The following COLEC11 variants were observed in gnomAD, a reference collection of about 807,000 sequenced individuals.
COLEC11 encodes the protein collectin-11.
A neutral mutation model predicts 27.3 loss-of-function variants in COLEC11; 20 were observed. The ratio of observed to expected loss-of-function variants is 0.73; its 90% CI spans 0.51 to 1.06. The LOEUF (loss-of-function observed/expected upper bound fraction) is 1.06. Ranked by LOEUF, COLEC11 falls within the 50% of genes least tolerant of loss-of-function variation. The pLI is 0.00. For synonymous variants in COLEC11, 163 were observed against 154.7 expected (o/e 1.05, Z -0.40); for missense variants, 310 against 383.0 (o/e 0.81, Z 1.59).
intron 1 of COLEC11, chr2:3,604,057 G>A (rs908796282): frequency 1.1e-4 from 64 of 583,946 alleles, no homozygotes; most frequent in South Asian, 7.2e-4. Flanking sequence ...TGGGCGAGCC[G>A]TAGGCCTTCA....
chr2:3,611,574 T>C (rs1239481298), intron 2 of COLEC11, among the ~76,000 whole-genome samples: 1 of 152,240 alleles, frequency 6.6e-6, no homozygotes, highest in Non-Finnish European at 1.5e-5. Flanking sequence ...CTTTTCTTCT[T>C]ACAAGATAAG....
intron 3 of COLEC11, among the ~76,000 whole-genome samples, chr2:3,613,887 CAG>C (rs909925468): frequency 6.6e-6 from 1 of 152,080 alleles, no homozygotes; most frequent in African/African-American, 2.4e-5. Flanking sequence ...CAGTGCATGG[CAG>C]GGGTTAAATA....
At chr2:3,597,349 A>C (rs115152194) in intron 1 of COLEC11, among the ~76,000 whole-genome samples, 2,724 of 150,384 alleles carry the variant, frequency 0.018, 76 homozygotes, top group African/African-American at 0.061. Context: ...GAATGGAGTG[A>C]AGGCATGAGA....
At chr2:3,636,222 C>T (rs1032300477) in intron 3 of COLEC11, among the ~76,000 whole-genome samples, 3 of 152,062 alleles carry the variant, frequency 2.0e-5, no homozygotes, top group Non-Finnish European at 2.9e-5. Flanking sequence ...TTTGGGAGGC[C>T]GAGGTGGATG....
intron 3 of COLEC11, 46 bp downstream of exon 3, chr2:3,613,428 C>T (rs1323775306): frequency 6.5e-7 from 1 of 1,545,834 alleles, no homozygotes; most frequent in East Asian, 2.4e-5. Flanking sequence ...AGGATGGAGG[C>T]ACCGCTCCTG....
In COLEC11 at chr2:3,627,289, A is replaced by G. The variant is rs1309476339; in HGVS notation, c.203-10244A>G. Among the ~76,000 whole-genome samples, 3 of 132,640 alleles carry G rather than the reference A, an allele frequency of 2.3e-5. No homozygotes were observed. In the South Asian group the frequency reaches 8.4e-4, roughly 37 times the overall value. The allele number at this position is 132,640 out of a possible 152,430, so 87.0% of individuals were successfully genotyped here. ...GCTGGTCACGATGCTGTGCATGACG[A>G]CACTGGGCACGATGATGGGGGGCAT... On this transcript the variant is annotated intron_variant, in intron 3 of 6. Transcript: ENST00000349077.
intron 3 of COLEC11, chr2:3,617,875 A>G (rs1320951089): frequency 9.0e-6 from 5 of 556,564 alleles, no homozygotes; most frequent in Non-Finnish European, 1.6e-5. Context: ...ACTTTTTGAT[A>G]CCAGCCATCC....
intron 3 of COLEC11, among the ~76,000 whole-genome samples, chr2:3,620,411 A>G (rs1418624499): frequency 6.6e-6 from 1 of 151,184 alleles, no homozygotes; most frequent in Non-Finnish European, 1.5e-5. Flanking sequence ...TCTCCATTGC[A>G]TTTCTGATTT....
At chr2:3,636,293 A>T (rs201439112) in intron 3 of COLEC11, among the ~76,000 whole-genome samples, 1 of 152,206 alleles carries the variant, frequency 6.6e-6, no homozygotes, top group East Asian at 1.9e-4. Context: ...CATCTCTGCT[A>T]AAAATACAAA....
chr2:3,642,353 G>T (rs561934237), intron 5 of COLEC11, among the ~76,000 whole-genome samples: 4 of 152,294 alleles, frequency 2.6e-5, no homozygotes, highest in Admixed American at 2.6e-4. Context: ...AGCTCATTGA[G>T]AATGAGATCT....
intron 3 of COLEC11, among the ~76,000 whole-genome samples, chr2:3,626,776 G>A (rs1025695994): frequency 6.6e-6 from 1 of 152,252 alleles, no homozygotes; most frequent in South Asian, 2.1e-4. Context: ...GTCAAAGAGA[G>A]AATGGAATAA....
chr2:3,619,438 C>G (rs1241406631), intron 3 of COLEC11, among the ~76,000 whole-genome samples: 1 of 152,120 alleles, frequency 6.6e-6, no homozygotes, highest in Non-Finnish European at 1.5e-5. Context: ...TGTTGAGGTG[C>G]ATTCTTTGTA....
intron 3 of COLEC11, chr2:3,617,786 T>C: frequency 1.2e-6 from 1 of 869,014 alleles, no homozygotes; most frequent in African/African-American, 1.7e-5. Flanking sequence ...AAGGAGCCTC[T>C]GTACTGTTTT....
rs1381090577 is a variant in COLEC11, at chr2:3,605,121, G to T, written c.130+651G>T. 8.5e-6 allele frequency: 4 copies of T among 468,694 alleles called. No homozygotes were observed. The Admixed American group carries it at 9.6e-5, about 11-fold the overall frequency. The allele number at this position is 468,694 out of a possible 1,614,324, so 29.0% of individuals were successfully genotyped here. On this transcript the variant is annotated intron_variant, in intron 2 of 6. Coordinates refer to ENST00000349077, the MANE Select transcript of COLEC11 (RefSeq NM_024027.5). Reference sequence around the variant, plus strand: ...AATGACCAGCTTCTACAAAGCAGAGGCAACAGGTCCCCAAGCCTGGGGGAG... The same window carrying T: ...AATGACCAGCTTCTACAAAGCAGAGTCAACAGGTCCCCAAGCCTGGGGGAG...
chr2:3,612,285 C>T (rs1185656965), intron 2 of COLEC11, among the ~76,000 whole-genome samples: 1 of 152,190 alleles, frequency 6.6e-6, no homozygotes, highest in Non-Finnish European at 1.5e-5. Context: ...TGCACACACA[C>T]TCCCTGTCTG....
intron 3 of COLEC11, among the ~76,000 whole-genome samples, chr2:3,625,848 G>A (rs543385980): frequency 6.6e-6 from 1 of 152,194 alleles, no homozygotes; most frequent in African/African-American, 2.4e-5. Context: ...GGCCACACTG[G>A]TCTTGAACTC....
At chr2:3,626,547 T>C (rs2147924186) in intron 3 of COLEC11, among the ~76,000 whole-genome samples, 1 of 152,344 alleles carries the variant, frequency 6.6e-6, no homozygotes, top group East Asian at 1.9e-4. Context: ...GCTGTTATTA[T>C]TCTCCGTTTG....
intron 1 of COLEC11, chr2:3,603,687 G>A (rs1169846479): frequency 1.3e-6 from 2 of 1,550,586 alleles, no homozygotes; most frequent in East Asian, 2.4e-5. Flanking sequence ...CCCCTCCTGG[G>A]ATGGTCAGAT....
intron 1 of COLEC11, among the ~76,000 whole-genome samples, chr2:3,599,082 T>C (rs577306749): frequency 1.1e-4 from 16 of 152,264 alleles, no homozygotes; most frequent in African/African-American, 1.9e-4. Flanking sequence ...TGGGAAGCCC[T>C]GGATTTCAGT....
Sources: allele counts gnomAD v4.1 joint callset (sites outside exome capture counted in the v4.1 genomes callset), GRCh38; gene constraint gnomAD v4.1.1; transcripts MANE v1.5; gene names NCBI Gene and HGNC (gene_info 2026-07-23, HGNC 2026-07-21).